Variants in NAV3 observed in about 807,000 individuals in gnomAD.
The protein encoded by NAV3 is pore membrane and/or filament interacting like protein 1.
NAV3 carries 87 observed loss-of-function variants against 244.7 expected under a neutral mutation model. The observed-to-expected ratio is 0.36, with a 90% CI of 0.30 to 0.42. The LOEUF (loss-of-function observed/expected upper bound fraction) is 0.42. Ranked by LOEUF, NAV3 falls within the 20% of genes least tolerant of loss-of-function variation. The pLI is 1.00. For synonymous variants in NAV3, 1,126 were observed against 1,042.2 expected (o/e 1.08, Z -1.55); for missense variants, 2,663 against 2,893.3 (o/e 0.92, Z 1.83).
chr12:78,076,167 G>A (rs1299873827), intron 12 of NAV3, among the ~76,000 whole-genome samples: 1 of 152,176 alleles, frequency 6.6e-6, no homozygotes, highest in African/African-American at 2.4e-5. Flanking sequence ...ATATGAAAAT[G>A]TGTAACTATT....
chr12:78,122,558 C>T, intron 16 of NAV3, 130 bp downstream of exon 16: 2 of 1,144,592 alleles, frequency 1.7e-6, no homozygotes, highest in South Asian at 1.8e-5. Flanking sequence ...ACTGATGAAA[C>T]CGGGCCTTTC....
intron 20 of NAV3, among the ~76,000 whole-genome samples, chr12:78,144,855 G>A (rs1380378816): frequency 1.4e-5 from 2 of 146,272 alleles, no homozygotes; most frequent in East Asian, 4.0e-4. Flanking sequence ...GGGCACGGTG[G>A]GCTACAGTGA....
chr12:77,802,367 A>C (rs998642873), intron 2 of NAV3, among the ~76,000 whole-genome samples: 14 of 152,228 alleles, frequency 9.2e-5, no homozygotes, highest in African/African-American at 3.1e-4. Flanking sequence ...TCTAGGAGAC[A>C]CAAGCATGAA....
chr12:78,055,033 A>G (rs1348222018), intron 11 of NAV3, among the ~76,000 whole-genome samples: 1 of 152,174 alleles, frequency 6.6e-6, no homozygotes, highest in East Asian at 1.9e-4. Context: ...TTATGTATAT[A>G]TGTATGTATA....
At chr12:77,597,479 C>G (rs1043286568) in intron 2 of NAV3, among the ~76,000 whole-genome samples, 2 of 152,024 alleles carry the variant, frequency 1.3e-5, no homozygotes, top group African/African-American at 4.8e-5. Context: ...AGAAAAATAT[C>G]ACTATTTTAT....
intron 2 of NAV3, among the ~76,000 whole-genome samples, chr12:77,779,698 T>C (rs749683856): frequency 7.2e-5 from 11 of 152,202 alleles, no homozygotes; most frequent in Admixed American, 2.6e-4. Context: ...GCCAGCTTGG[T>C]TGTAATTCTA....
At chr12:77,974,336 C>T (rs1021664237) in intron 5 of NAV3, among the ~76,000 whole-genome samples, 3 of 152,100 alleles carry the variant, frequency 2.0e-5, no homozygotes, top group Non-Finnish European at 4.4e-5. Context: ...GGCTGGAGTG[C>T]AGTGGCTCAG....
chr12:78,150,633 A>T (rs954846354), intron 22 of NAV3, among the ~76,000 whole-genome samples: 6 of 54,258 alleles, frequency 1.1e-4, no homozygotes, highest in East Asian at 2.0e-3. Flanking sequence ...AAGCTTCCTC[A>T]CACACACACA....
At chr12:77,940,646 T>A (rs1889780452) in intron 2 of NAV3, among the ~76,000 whole-genome samples, 1 of 152,250 alleles carries the variant, frequency 6.6e-6, no homozygotes, top group South Asian at 2.1e-4. Flanking sequence ...TATCTTTATA[T>A]ACATAAACTT....
intron 2 of NAV3, among the ~76,000 whole-genome samples, chr12:77,684,314 A>T (rs1265780952): frequency 6.6e-6 from 1 of 152,132 alleles, no homozygotes; most frequent in African/African-American, 2.4e-5. Flanking sequence ...TATGGATACA[A>T]GTATGATTTA....
At chr12:77,974,888 C>T (rs1313843729) in intron 5 of NAV3, among the ~76,000 whole-genome samples, 1 of 152,122 alleles carries the variant, frequency 6.6e-6, no homozygotes, top group Non-Finnish European at 1.5e-5. Context: ...CAGCTATTTC[C>T]ATCTTCCCTT....
chr12:78,115,741 C>A (rs1955345565), intron 12 of NAV3, among the ~76,000 whole-genome samples: 1 of 152,084 alleles, frequency 6.6e-6, no homozygotes, highest in African/African-American at 2.4e-5. Flanking sequence ...GTTAGAGTTG[C>A]CTGCAGTATT....
intron 2 of NAV3, among the ~76,000 whole-genome samples, chr12:77,736,948 A>G (rs945286102): frequency 2.0e-5 from 3 of 152,140 alleles, no homozygotes; most frequent in Admixed American, 6.5e-5. Context: ...GTAGTGCCGT[A>G]ATTGAGATGA....
At chr12:77,997,237 C>CAAAAAAAAAAAAAAAAAAAAAAAA in intron 6 of NAV3, among the ~76,000 whole-genome samples, 1 of 78,732 alleles carries the variant, frequency 1.3e-5, no homozygotes, top group African/African-American at 4.8e-5. Context: ...CACCCTGTCT[C>CAAAAAAAAAAAAAAAAAAAAAAAA]AAAAAAAAAA....
intron 9 of NAV3, among the ~76,000 whole-genome samples, chr12:78,049,229 G>A (rs1006492787): frequency 5.3e-5 from 8 of 152,048 alleles, no homozygotes; most frequent in African/African-American, 1.7e-4. Flanking sequence ...TGAGTGGATG[G>A]TTCTGTCTCA....
At chr12:78,049,426 G>T (rs1882387509) in intron 9 of NAV3, among the ~76,000 whole-genome samples, 1 of 152,198 alleles carries the variant, frequency 6.6e-6, no homozygotes, top group Non-Finnish European at 1.5e-5. Flanking sequence ...CGTCCTTCAA[G>T]GCACAGTCCC....
At chr12:78,097,357 A>T (rs1954307136) in intron 12 of NAV3, among the ~76,000 whole-genome samples, 1 of 152,164 alleles carries the variant, frequency 6.6e-6, no homozygotes, top group African/African-American at 2.4e-5. Context: ...GAAAATATAA[A>T]TGGCCATTTT....
intron 1 of NAV3, among the ~76,000 whole-genome samples, chr12:77,860,564 A>G (rs1440775960): frequency 6.6e-6 from 1 of 151,862 alleles, no homozygotes; most frequent in Non-Finnish European, 1.5e-5. Context: ...CCATCTCTAA[A>G]GTAGTGCTAC....
chr12:77,809,433 C>G (rs1179742559), intron 2 of NAV3, among the ~76,000 whole-genome samples: 1 of 152,212 alleles, frequency 6.6e-6, no homozygotes, highest in African/African-American at 2.4e-5. Context: ...GGGAGTTCCT[C>G]AACCCCTTGT....
Sources: allele counts gnomAD v4.1 joint callset (sites outside exome capture counted in the v4.1 genomes callset), GRCh38; gene constraint gnomAD v4.1.1; transcripts MANE v1.5; gene names NCBI Gene and HGNC (gene_info 2026-07-23, HGNC 2026-07-21).